The following ABCB1 variants were observed in gnomAD, a reference collection of about 807,000 sequenced individuals.
The protein encoded by ABCB1 is ATP binding cassette subfamily B member 1, also known as ATP-dependent translocase ABCB1.
A neutral mutation model predicts 142.0 loss-of-function variants in ABCB1; 69 were observed. The observed-to-expected ratio is 0.49, with a 90% CI of 0.40 to 0.59. The LOEUF is 0.59. Ranked by LOEUF, ABCB1 falls within the 20% of genes least tolerant of loss-of-function variation. The probability of loss-of-function intolerance (pLI) is 0.00; values close to 1 mark genes in which losing one functional copy is unlikely to be tolerated. For missense variants in ABCB1, 1,326 were observed against 1,554.7 expected (o/e 0.85, Z 2.47); for synonymous variants, 532 against 539.2 (o/e 0.99, Z 0.18).
chr7:87,652,361 C>T (rs923356252), intron 1 of ABCB1, among the ~76,000 whole-genome samples: 2 of 152,010 alleles, frequency 1.3e-5, no homozygotes, highest in African/African-American at 4.8e-5. Flanking sequence ...CTCCTGCGCA[C>T]TAATCTGCCA....
At chr7:87,549,757 C>T (rs900414768) in intron 13 of ABCB1, 94 bp downstream of exon 13, 2 of 1,470,968 alleles carry the variant, frequency 1.4e-6, no homozygotes, top group African/African-American at 2.8e-5. Context: ...GATTTCCCTT[C>T]TTCCGATTTA....
At chr7:87,593,861 C>A (rs1223952771) in intron 3 of ABCB1, among the ~76,000 whole-genome samples, 6 of 152,120 alleles carry the variant, frequency 3.9e-5, no homozygotes, top group Admixed American at 3.9e-4. Context: ...TGGACTTCTC[C>A]CCACTCGCCT....
At chr7:87,689,586 C>G (rs1396624399) in intron 1 of ABCB1, among the ~76,000 whole-genome samples, 1 of 151,966 alleles carries the variant, frequency 6.6e-6, no homozygotes, top group African/African-American at 2.4e-5. Context: ...GCTAATATTA[C>G]TTTATTGTGC....
intron 1 of ABCB1, among the ~76,000 whole-genome samples, chr7:87,658,765 A>G (rs1313047272): frequency 6.6e-6 from 1 of 152,240 alleles, no homozygotes; most frequent in Non-Finnish European, 1.5e-5. Flanking sequence ...CAGCAGAATT[A>G]TTCTTCAGCA....
chr7:87,550,679 T>C (rs1329890298), intron 10 of ABCB1, 46 bp downstream of exon 10: 2 of 1,559,912 alleles, frequency 1.3e-6, no homozygotes, highest in South Asian at 1.1e-5. Flanking sequence ...TTGACTTAAC[T>C]GGACAATCTT....
At chr7:87,574,266 C>T (rs541081784) in intron 4 of ABCB1, among the ~76,000 whole-genome samples, 9 of 152,158 alleles carry the variant, frequency 5.9e-5, no homozygotes, top group South Asian at 4.1e-4. Context: ...GAGAGCTTGA[C>T]GGAATGCCTA....
At chr7:87,546,117 G>A in intron 14 of ABCB1, 93 bp from the exon 15 acceptor site, 1 of 1,308,488 alleles carries the variant, frequency 7.6e-7, no homozygotes, top group Non-Finnish European at 1.1e-6. Flanking sequence ...AATGCTGTGG[G>A]CATTGTAAAA....
At chr7:87,644,917 A>G (rs1163792249) in intron 1 of ABCB1, among the ~76,000 whole-genome samples, 1 of 152,012 alleles carries the variant, frequency 6.6e-6, no homozygotes, top group Non-Finnish European at 1.5e-5. Context: ...TAATTATGTT[A>G]CAAATCTATG....
intron 2 of ABCB1, among the ~76,000 whole-genome samples, chr7:87,597,370 A>G (rs1435885161): frequency 6.6e-6 from 1 of 152,104 alleles, no homozygotes; most frequent in Non-Finnish European, 1.5e-5. Flanking sequence ...TCCCAGCATT[A>G]TCTATTACCA....
chr7:87,669,959 T>A (rs1465853106), intron 1 of ABCB1, among the ~76,000 whole-genome samples: 1 of 152,196 alleles, frequency 6.6e-6, no homozygotes, highest in Non-Finnish European at 1.5e-5. Flanking sequence ...GGGGGTGATC[T>A]TCTTGTATAG....
At chr7:87,621,664 T>C (rs1584928425) in intron 1 of ABCB1, among the ~76,000 whole-genome samples, 1 of 152,194 alleles carries the variant, frequency 6.6e-6, no homozygotes, top group African/African-American at 2.4e-5. Context: ...AAACAAATCA[T>C]AAACAAATAC....
rs990789609 is a variant in ABCB1, at chr7:87,518,708, A to C, written c.2927+618T>G. On this transcript the variant is annotated intron_variant, in intron 23 of 27. Coordinates refer to ENST00000622132, the MANE Select transcript of ABCB1 (RefSeq NM_001348946.2). Reference sequence around the variant, plus strand: ...CACCTCCAAATCTAGAAGCTCAGAAAGATTACACATACTTTTGACCACCAA... The same window carrying C: ...CACCTCCAAATCTAGAAGCTCAGAACGATTACACATACTTTTGACCACCAA... 3.9e-5 allele frequency among the ~76,000 whole-genome samples: 6 copies of C among 152,234 alleles called. No individual in the cohort carries two copies. In the South Asian group the frequency reaches 6.2e-4, roughly 16 times the overall value.
chr7:87,521,020 A>G (rs1431707532), intron 21 of ABCB1, 144 bp from the exon 22 acceptor site: 2 of 684,410 alleles, frequency 2.9e-6, no homozygotes, highest in Non-Finnish European at 5.1e-6. Context: ...AGAAAAAGAT[A>G]CTAAGTAATT....
intron 11 of ABCB1, 28 bp downstream of exon 11, chr7:87,550,440 A>G (rs752959521): frequency 3.7e-6 from 6 of 1,605,506 alleles, no homozygotes; most frequent in South Asian, 1.1e-5. Context: ...CAATAGATTA[A>G]TTGTTGATTA....
intron 1 of ABCB1, among the ~76,000 whole-genome samples, chr7:87,672,233 T>C (rs1825896505): frequency 6.6e-6 from 1 of 152,168 alleles, no homozygotes; most frequent in Admixed American, 6.5e-5. Context: ...AGGAACAGGA[T>C]CAGGTACCTG....
chr7:87,549,869 A>G lies in ABCB1; in HGVS notation c.1536T>C (p.Phe512=). 6.2e-7 allele frequency: 1 copy of G among 1,614,208 alleles called. No homozygotes were observed. Among genetic ancestry groups the G allele is most frequent in the Non-Finnish European group, 8.5e-7 (1 of 1,180,024 alleles). The change falls in exon 13 of 28, where the codon TTT becomes TTC. Residue 512 remains phenylalanine, a synonymous_variant. Transcript: ENST00000622132. The part of the protein sequence containing the change: ...KAVKEANAYD[F]IMKLPHKFDT... ...AACTTACATGAGGCAGTTTCATGAT[A>G]AAGTCATAGGCATTGGCTTCCTTGA...
intron 26 of ABCB1, among the ~76,000 whole-genome samples, chr7:87,506,696 G>C (rs1814767507): frequency 6.6e-6 from 1 of 152,184 alleles, no homozygotes; most frequent in Admixed American, 6.5e-5. Flanking sequence ...TGATGATAGG[G>C]ACAGCAGTTA....
intron 1 of ABCB1, among the ~76,000 whole-genome samples, chr7:87,623,090 A>G (rs1432576500): frequency 6.6e-6 from 1 of 152,214 alleles, no homozygotes; most frequent in Non-Finnish European, 1.5e-5. Flanking sequence ...CTAATGATTT[A>G]GATTTCAATC....
intron 21 of ABCB1, among the ~76,000 whole-genome samples, chr7:87,524,861 ATGTC>A (rs1345484391): frequency 6.6e-6 from 1 of 152,140 alleles, no homozygotes; most frequent in Non-Finnish European, 1.5e-5. Context: ...GACTATAACA[ATGTC>A]TGCTGAAAAA....
Sources: gnomAD v4.1 joint callset for allele counts (sites outside exome capture counted in the v4.1 genomes callset) on GRCh38, gnomAD v4.1.1 for gene constraint, MANE v1.5 for transcripts, NCBI Gene and HGNC (gene_info 2026-07-23, HGNC 2026-07-21) for gene names.